SV2B: variants seen among roughly 807,000 people sequenced by gnomAD.
The protein encoded by SV2B is solute carrier family 22 member B2.
A neutral mutation model predicts 73.9 loss-of-function variants in SV2B; 41 were observed. The ratio of observed to expected loss-of-function variants is 0.56; its 90% confidence interval spans 0.43 to 0.72. SV2B has a LOEUF of 0.72. Ranked by LOEUF, SV2B falls within the 30% of genes least tolerant of loss-of-function variation. SV2B has a pLI of 0.00. For synonymous variants in SV2B, 314 were observed against 314.2 expected, an observed-to-expected ratio of 1.00 and a Z score of 0.01; for missense variants, 764 against 857.8, an observed-to-expected ratio of 0.89 and a Z score of 1.37.
chr15:91,127,413 T>C (rs937177691), intron 1 of SV2B, among the ~76,000 whole-genome samples: 2 of 151,880 alleles, frequency 1.3e-5, no homozygotes, highest in African/African-American at 4.8e-5. Context: ...ATTTTTGCCA[T>C]GCCTTCTGCT....
intron 1 of SV2B, among the ~76,000 whole-genome samples, chr15:91,218,065 A>G (rs2046094202): frequency 6.6e-6 from 1 of 152,256 alleles, no homozygotes; most frequent in African/African-American, 2.4e-5. Flanking sequence ...CTATAATGAA[A>G]GACAGATTAA....
At chr15:91,154,018 C>A (rs1199335008) in intron 1 of SV2B, among the ~76,000 whole-genome samples, 1 of 151,438 alleles carries the variant, frequency 6.6e-6, no homozygotes, top group African/African-American at 2.4e-5. Flanking sequence ...GTTCTCATCT[C>A]TGGAAAAAGA....
In SV2B at chr15:91,234,133, A is replaced by C. The variant is rs1156241709; in HGVS notation, c.451+7419A>C. Among the ~76,000 whole-genome samples the C allele has an allele frequency of 2.6e-5, 4 of 152,212 alleles. No homozygotes were observed. On this transcript the variant is annotated intron_variant, in intron 2 of 12. Transcript: ENST00000394232. The surrounding 1 kb of genome is among the most constrained non-coding windows in gnomAD (Gnocchi z 5.6). ...TGTGGCCCATAGTAAATGAAGTCGA[A>C]ATGCCAGACCTATGTTGGTTTATGG...
At chr15:91,208,370 GT>G (rs1386154520) in intron 1 of SV2B, among the ~76,000 whole-genome samples, 1 of 152,136 alleles carries the variant, frequency 6.6e-6, no homozygotes, top group Non-Finnish European at 1.5e-5. Flanking sequence ...AGAGAAAAGT[GT>G]TTTCCCCCCA....
chr15:91,268,311 G>T lies in SV2B; in HGVS notation c.1209-130G>T, dbSNP rs375746735. 1 of 952,524 alleles carries T rather than the reference G, an allele frequency of 1.0e-6. No homozygotes were observed. Among genetic ancestry groups the T allele is most frequent in the South Asian group, 2.2e-5 (1 of 45,696 alleles). 59.0% of individuals were successfully genotyped at this position (952,524 alleles called of 1,614,324 possible). On this transcript the variant is annotated intron_variant, in intron 8 of 12. Coordinates refer to ENST00000394232, the MANE Select transcript of SV2B (RefSeq NM_001323032.3). The surrounding 1 kb of genome is among the most constrained non-coding windows in gnomAD (Gnocchi z 4.4). ...ATTAATATGAGGATTTATATTGTCA[G>T]ATTTTCTAATAATGAACCAAATTAA...
chr15:91,201,577 C>T (rs1596571330), intron 1 of SV2B, among the ~76,000 whole-genome samples: 1 of 152,176 alleles, frequency 6.6e-6, no homozygotes. Flanking sequence ...ACTTCCATGA[C>T]TCCCTATCTC....
intron 1 of SV2B, among the ~76,000 whole-genome samples, chr15:91,195,120 C>G (rs1163192698): frequency 6.6e-6 from 1 of 152,128 alleles, no homozygotes; most frequent in Non-Finnish European, 1.5e-5. Flanking sequence ...CTGGCTGATT[C>G]AGTAACTACT....
Position 91,226,478 on chromosome 15 carries a change from A to G in SV2B, c.215A>G (p.Asp72Gly), listed in dbSNP as rs1271952827. Residue 72 changes from aspartate to glycine, a missense_variant, in exon 2 of 13, where the codon GAC becomes GGC. Coordinates refer to ENST00000394232, the MANE Select transcript of SV2B (RefSeq NM_001323032.3). Reference sequence around the variant, plus strand: ...GCCAAGATGGCGCCCTCCAGAATGGACAGCCTTCGGGGCCAGACAGACCTG... The same window carrying G: ...GCCAAGATGGCGCCCTCCAGAATGGGCAGCCTTCGGGGCCAGACAGACCTG... ...KQAKMAPSRM[D>G]SLRGQTDLMA... is the part of the protein sequence containing the mutation. The G allele has an allele frequency of 6.2e-7, 1 of 1,614,186 alleles. No homozygotes were observed. Among genetic ancestry groups the G allele is most frequent in the South Asian group, 1.1e-5 (1 of 91,088 alleles).
intron 1 of SV2B, among the ~76,000 whole-genome samples, chr15:91,153,676 C>A (rs2043389271): frequency 6.6e-6 from 1 of 152,120 alleles, no homozygotes; most frequent in Admixed American, 6.5e-5. Flanking sequence ...TTAGAGGTCA[C>A]ATCTGGGTCA....
chr15:91,203,506 C>G (rs1384099199), intron 1 of SV2B, among the ~76,000 whole-genome samples: 1 of 152,182 alleles, frequency 6.6e-6, no homozygotes, highest in African/African-American at 2.4e-5. Flanking sequence ...ACAGCTTAAG[C>G]CTTTGTGATG....
intron 1 of SV2B, among the ~76,000 whole-genome samples, chr15:91,225,440 AAC>A (rs1261227698): frequency 3.3e-5 from 5 of 152,234 alleles, no homozygotes; most frequent in Non-Finnish European, 7.3e-5. Context: ...GATAAGTTCT[AAC>A]AGAAAATCCA....
chr15:91,113,969 G>A (rs2042106332), intron 1 of SV2B, among the ~76,000 whole-genome samples: 1 of 152,094 alleles, frequency 6.6e-6, no homozygotes, highest in African/African-American at 2.4e-5. Flanking sequence ...GTGCCACCTT[G>A]TCTACTACTG....
At chr15:91,208,757 A>T (rs923019702) in intron 1 of SV2B, among the ~76,000 whole-genome samples, 1 of 152,192 alleles carries the variant, frequency 6.6e-6, no homozygotes, top group African/African-American at 2.4e-5. Flanking sequence ...TGCATCTTTT[A>T]AAAAAATGAT....
intron 1 of SV2B, among the ~76,000 whole-genome samples, chr15:91,161,882 G>A (rs907932076): frequency 1.3e-5 from 2 of 152,146 alleles, no homozygotes; most frequent in African/African-American, 4.8e-5. Flanking sequence ...AAAAGTATTT[G>A]CATCATTTAT....
rs915879714 is a variant in SV2B at position 91,106,287 on chromosome 15, G to A, written c.-392+5924G>A. ...TGCATATGAGAGTCTAGAGTTCAGG[G>A]AAGAGTTTCAGGAAGGAGACATAGG... On this transcript the variant is annotated intron_variant, in intron 1 of 12. Coordinates refer to ENST00000394232, the MANE Select transcript of SV2B (RefSeq NM_001323032.3). The surrounding 1 kb of genome is among the most constrained non-coding windows in gnomAD (Gnocchi z 4.4). Among the ~76,000 whole-genome samples, 1 of 152,186 alleles carries A rather than the reference G, an allele frequency of 6.6e-6. No homozygotes were observed. Among genetic ancestry groups the A allele is most frequent in the African/African-American group, 2.4e-5 (1 of 41,446 alleles).
intron 1 of SV2B, among the ~76,000 whole-genome samples, chr15:91,114,045 C>T (rs1194405375): frequency 6.6e-6 from 1 of 152,030 alleles, no homozygotes; most frequent in East Asian, 1.9e-4. Context: ...ATTTTCCAAA[C>T]TTAAAGTGCC....
chr15:91,099,608 G>A (rs1199571701), upstream of SV2B, among the ~76,000 whole-genome samples: 1 of 152,196 alleles, frequency 6.6e-6, no homozygotes, highest in African/African-American at 2.4e-5. Context: ...GTGGGTGGTG[G>A]TTTGGAAGGA....
chr15:91,115,497 G>A lies in SV2B; in HGVS notation c.-392+15134G>A, dbSNP rs1268562414. 2.6e-5 allele frequency among the ~76,000 whole-genome samples: 4 copies of A among 151,662 alleles called. No homozygotes were observed. Among genetic ancestry groups the A allele is most frequent in the Non-Finnish European group, 5.9e-5 (4 of 67,930 alleles). ...AGTAATCCTCCCACCTCAGTCTCCT[G>A]AGTAGCTGGGACCACAGGCACCCAC... is the stretch of plus-strand genomic sequence containing the variant. On this transcript the variant is annotated intron_variant, in intron 1 of 12. Coordinates refer to ENST00000394232, the MANE Select transcript of SV2B (RefSeq NM_001323032.3). The surrounding 1 kb of genome is among the most constrained non-coding windows in gnomAD (Gnocchi z 4.3).
chr15:91,272,306 C>T, intron 9 of SV2B, among the ~76,000 whole-genome samples: 1 of 152,142 alleles, frequency 6.6e-6, no homozygotes, highest in East Asian at 1.9e-4. Flanking sequence ...GAGTTTCTAC[C>T]CAGAATATGT....
Sources: allele counts gnomAD v4.1 joint callset (sites outside exome capture counted in the v4.1 genomes callset), GRCh38; gene constraint gnomAD v4.1.1; non-coding constraint Gnocchi (gnomAD v3.1); transcripts MANE v1.5; gene names NCBI Gene and HGNC (gene_info 2026-07-23, HGNC 2026-07-21).